The following GNL2 variants were observed in gnomAD, a reference collection of about 807,000 sequenced individuals.
The protein encoded by GNL2 is G protein nucleolar 2.
Under a neutral mutation model 92.3 loss-of-function variants are expected in GNL2, and 51 were observed. The ratio of observed to expected loss-of-function variants is 0.55; its 90% CI spans 0.44 to 0.70. GNL2 has a LOEUF of 0.70. Ranked by LOEUF, GNL2 falls within the 30% of genes least tolerant of loss-of-function variation. GNL2 has a pLI of 0.00. For missense variants in GNL2, 844 were observed against 895.6 expected, an observed-to-expected ratio of 0.94 and a Z score of 0.74; for synonymous variants, 283 against 300.6, an observed-to-expected ratio of 0.94 and a Z score of 0.61.
chr1:37,571,802 C>T (rs978154292), intron 12 of GNL2, among the ~76,000 whole-genome samples: 1 of 152,166 alleles, frequency 6.6e-6, no homozygotes, highest in South Asian at 2.1e-4. Context: ...TGACTACATA[C>T]GGAGGAAGGG....
At chr1:37,567,116 G>T in intron 15 of GNL2, 109 bp from the exon 16 acceptor site, 1 of 1,132,036 alleles carries the variant, frequency 8.8e-7, no homozygotes, top group Non-Finnish European at 1.3e-6. Flanking sequence ...TTCCCGTGCT[G>T]CTTCCACAGC....
intron 5 of GNL2, among the ~76,000 whole-genome samples, chr1:37,585,841 C>T (rs1643842207): frequency 6.6e-6 from 1 of 152,156 alleles, no homozygotes; most frequent in Non-Finnish European, 1.5e-5. Flanking sequence ...AAAACCTCCA[C>T]TTCATTTAAG....
intron 8 of GNL2, 62 bp from the exon 9 acceptor site, chr1:37,576,618 G>A: frequency 2.0e-6 from 3 of 1,528,330 alleles, no homozygotes; most frequent in Non-Finnish European, 2.7e-6. Flanking sequence ...TGGACAAGTA[G>A]GTTGTATTAC....
intron 5 of GNL2, 75 bp from the exon 6 acceptor site, chr1:37,584,008 T>C: frequency 4.6e-6 from 4 of 871,958 alleles, no homozygotes; most frequent in Non-Finnish European, 7.8e-6. Flanking sequence ...GTAAAGTCAA[T>C]GTACCAAAAA....
chr1:37,569,658 A>C, intron 12 of GNL2: 2 of 207,446 alleles, frequency 9.6e-6, no homozygotes, highest in Admixed American at 5.2e-5. Context: ...CTACATAAAA[A>C]TGAAGGCCAG....
intron 15 of GNL2, 21 bp downstream of exon 15, chr1:37,567,652 C>T (rs752370355): frequency 2.0e-6 from 3 of 1,525,672 alleles, no homozygotes; most frequent in Non-Finnish European, 2.7e-6. Flanking sequence ...TTGGGCCATA[C>T]TTAAAACCTA....
Position 37,595,907 on chromosome 1 carries a change from AC to A in GNL2, c.-86del. On this transcript the variant is annotated 5_prime_UTR_variant, in exon 1 of 16. Transcript: ENST00000373062. ...TATGTTCCCAAGCCCGGCCGAAGAC[AC>A]CCGCCTGAACCACGCCGGACCACGT... 9.2e-7 allele frequency: 1 copy of A among 1,085,380 alleles called. No individual in the cohort carries two copies. Among genetic ancestry groups the A allele is most frequent in the South Asian group, 1.3e-5 (1 of 78,332 alleles). The allele number at this position is 1,085,380 out of a possible 1,614,324, so 67.2% of individuals were successfully genotyped here.
At chr1:37,579,895 C>CAA (rs34353424) in intron 8 of GNL2, among the ~76,000 whole-genome samples, 12 of 73,874 alleles carry the variant, frequency 1.6e-4, no homozygotes, top group Admixed American at 5.2e-4. Flanking sequence ...GACTCTGCCT[C>CAA]AAAAAAAAAA....
At chr1:37,593,670 G>T in intron 2 of GNL2, 92 bp downstream of exon 2, 1 of 789,324 alleles carries the variant, frequency 1.3e-6, no homozygotes, top group Non-Finnish European at 2.2e-6. Context: ...TTTGGAGGAA[G>T]TGGGGGTGAG....
At position 37,587,409 on chromosome 1, in the gene GNL2, T is replaced by A; in HGVS notation, c.471A>T (p.Ala157=). The A allele has an allele frequency of 6.2e-7, 1 of 1,613,486 alleles. No individual in the cohort carries two copies. The highest frequency in any genetic ancestry group is 8.5e-7 in the Non-Finnish European group (1 of 1,179,410). Residue 157 remains alanine, a synonymous_variant, in exon 5 of 16, where the codon GCA becomes GCT. Transcript: ENST00000373062. The part of the protein sequence containing the change: ...KSQRKRPNLF[A]SDMQSLIENA... ...TTTCGATAAGAGACTGCATATCACT[T>A]GCAAATAAGTTTGGTCGTTTCCTCT...
chr1:37,587,302 A>C lies in GNL2; in HGVS notation c.569+9T>G. On this transcript the variant is annotated intron_variant, in intron 5 of 15. Transcript: ENST00000373062. ...AAACAAAAACAAAGAAGCAAAAAAA[A>C]AAATGTACCTCACACCAGTGTCTTC... 1.9e-6 allele frequency: 3 copies of C among 1,547,578 alleles called. No individual in the cohort carries two copies. The highest frequency in any genetic ancestry group is 2.6e-6 in the Non-Finnish European group (3 of 1,150,750).
At chr1:37,567,840 G>A in intron 14 of GNL2, 76 bp from the exon 15 acceptor site, 2 of 1,111,886 alleles carry the variant, frequency 1.8e-6, no homozygotes, top group Non-Finnish European at 2.7e-6. Flanking sequence ...GAACAAGCTT[G>A]ATGTATCAGG....
rs1159243071 is a variant in GNL2, at chr1:37,574,524, T to C, written c.1303-68A>G. ...AAAACCACCTACCACTTTGGGGGTATTTCAGTTGTCCCAGGGGTTCATCAT... is the reference window on the plus strand; with the variant it reads ...AAAACCACCTACCACTTTGGGGGTACTTCAGTTGTCCCAGGGGTTCATCAT... On this transcript the variant is annotated intron_variant, in intron 11 of 15. Transcript: ENST00000373062. The C allele has an allele frequency of 3.5e-6, 5 of 1,443,538 alleles. 1 individual carries two copies. The South Asian group carries it at 4.7e-5, about 13-fold the overall frequency. The allele number at this position is 1,443,538 out of a possible 1,614,324, so 89.4% of individuals were successfully genotyped here.
At chr1:37,574,611 T>C in intron 11 of GNL2, 54 bp downstream of exon 11, 6 of 1,557,762 alleles carry the variant, frequency 3.9e-6, no homozygotes, top group Non-Finnish European at 5.3e-6. Context: ...CCATATCATA[T>C]ACATACATGC....
At chr1:37,595,577 C>A (rs894564277) in intron 1 of GNL2, among the ~76,000 whole-genome samples, 182 bp downstream of exon 1, 3 of 152,346 alleles carry the variant, frequency 2.0e-5, no homozygotes, top group East Asian at 1.9e-4. Context: ...TCAGTTCCCC[C>A]CTGAGAAGAA....
At chr1:37,587,944 G>GT (rs1348909222) in intron 4 of GNL2, among the ~76,000 whole-genome samples, 3 of 151,938 alleles carry the variant, frequency 2.0e-5, no homozygotes, top group South Asian at 2.1e-4. Flanking sequence ...AAATTTGTGA[G>GT]TTTTTTTTAA....
chr1:37,590,892 T>A (rs762960432), intron 3 of GNL2, 47 bp from the exon 4 acceptor site: 1 of 1,458,980 alleles, frequency 6.9e-7, no homozygotes. Flanking sequence ...TATTTGCGCA[T>A]CCATCTTCCA....
chr1:37,569,329 T>C (rs774651907), intron 12 of GNL2, 27 bp from the exon 13 acceptor site: 1 of 1,436,184 alleles, frequency 7.0e-7, no homozygotes, highest in Non-Finnish European at 9.6e-7. Flanking sequence ...ATGGGGGAAA[T>C]AAATAGAATC....
At chr1:37,574,888 T>A in intron 10 of GNL2, 65 bp from the exon 11 acceptor site, 2 of 1,159,792 alleles carry the variant, frequency 1.7e-6, no homozygotes, top group South Asian at 1.3e-5. Flanking sequence ...GTTCCCAGTG[T>A]CCTTTGCAGC....
Sources: allele counts gnomAD v4.1 joint callset (sites outside exome capture counted in the v4.1 genomes callset), GRCh38; gene constraint gnomAD v4.1.1; transcripts MANE v1.5; gene names NCBI Gene and HGNC (gene_info 2026-07-23, HGNC 2026-07-21).